RPLP2: variants seen among roughly 807,000 people sequenced by gnomAD.
RPLP2 encodes the protein large ribosomal subunit protein P2.
In RPLP2, 1 loss-of-function variant was observed where a neutral mutation model predicts 11.5. The observed-to-expected ratio is 0.09, with a 90% CI of 0.03 to 0.41. The LOEUF (loss-of-function observed/expected upper bound fraction) is 0.41. Among genes scored for constraint, RPLP2 ranks in the 10% least tolerant of loss-of-function variants. The pLI, the probability that RPLP2 is intolerant of heterozygous loss-of-function variation, is 0.98. For missense variants in RPLP2, 177 were observed against 145.6 expected, an observed-to-expected ratio of 1.22 and a Z score of -1.11; for synonymous variants, 82 against 55.9, an observed-to-expected ratio of 1.47 and a Z score of -2.08.
intron 4 of RPLP2, 29 bp downstream of exon 4, chr11:812,662 G>A: frequency 6.2e-7 from 1 of 1,611,680 alleles, no homozygotes; most frequent in Non-Finnish European, 8.5e-7. Context: ...AGTGGGCAAG[G>A]GGCTGGGGCT....
Position 812,798 on chromosome 11 carries a change from G to A in RPLP2, c.310G>A (p.Glu104Lys). ...AGATGAGAAGAAGGAGGAGTCTGAAGAGTCAGATGATGACATGGGATTTGG... is the reference window on the plus strand; with the variant it reads ...AGATGAGAAGAAGGAGGAGTCTGAAAAGTCAGATGATGACATGGGATTTGG... The part of the protein sequence containing the change: ...KKDEKKEESE[E>K]SDDDMGFGLF... The change falls in exon 5 of 5, where the codon GAG (glutamate) becomes AAG (lysine). Residue 104 changes from glutamate (E) to lysine (K), a missense_variant. Glu to Lys is a moderately conservative substitution (Grantham distance 56). Transcript: ENST00000321153. 6.2e-7 allele frequency: 1 copy of A among 1,613,804 alleles called. No individual in the cohort carries two copies. Among genetic ancestry groups the A allele is most frequent in the Non-Finnish European group, 8.5e-7 (1 of 1,180,006 alleles).
chr11:812,054 T>C (rs1866082837), intron 3 of RPLP2: 1 of 387,096 alleles, frequency 2.6e-6, no homozygotes, highest in Admixed American at 3.8e-5. Flanking sequence ...GTTGGGCAGA[T>C]GGTTTTTTGT....
At chr11:811,865 T>C in intron 3 of RPLP2, 1 of 760,834 alleles carries the variant, frequency 1.3e-6, no homozygotes, top group South Asian at 1.4e-5. Flanking sequence ...GACGTTTAGG[T>C]GGCCCTGCCT....
intron 1 of RPLP2, 50 bp downstream of exon 1, chr11:810,089 TG>T: frequency 2.0e-6 from 2 of 1,003,964 alleles, no homozygotes; most frequent in East Asian, 3.3e-5. Flanking sequence ...GCGGAGTCCG[TG>T]GGGATGCGGG....
chr11:811,851 A>G lies in RPLP2; in HGVS notation c.172+206A>G, dbSNP rs368126140. On this transcript the variant is annotated intron_variant, in intron 3 of 4. Coordinates refer to ENST00000321153, the MANE Select transcript of RPLP2 (RefSeq NM_001004.4). Reference sequence around the variant, plus strand: ...GCAGCAGGGGGCACCCTGTGTTCTCAGCAGACGTTTAGGTGGCCCTGCCTC... The same window carrying G: ...GCAGCAGGGGGCACCCTGTGTTCTCGGCAGACGTTTAGGTGGCCCTGCCTC... 1,201 of 776,648 alleles carry G rather than the reference A, an allele frequency of 1.5e-3. 4 individuals are homozygous for G. Among genetic ancestry groups the G allele is most frequent in the Non-Finnish European group, 2.1e-3 (875 of 422,510 alleles). The allele number at this position is 776,648 out of a possible 1,614,324, so 48.1% of individuals were successfully genotyped here.
At chr11:810,534 C>G in intron 2 of RPLP2, 177 bp downstream of exon 2, 1 of 549,542 alleles carries the variant, frequency 1.8e-6, no homozygotes, top group African/African-American at 2.0e-5. Context: ...TGGCTCACGC[C>G]TGTAGTCCCA....
intron 2 of RPLP2, among the ~76,000 whole-genome samples, chr11:810,667 G>T (rs907585635): frequency 6.6e-6 from 1 of 151,998 alleles, no homozygotes; most frequent in Admixed American, 6.6e-5. Context: ...GGTGGTGGGT[G>T]CCTGTAGTCC....
Position 812,575 on chromosome 11 carries a change from A to G in RPLP2, c.213A>G (p.Val71=). 1 of 1,609,566 alleles carries G rather than the reference A, an allele frequency of 6.2e-7. No individual in the cohort carries two copies. Among genetic ancestry groups the G allele is most frequent in the Non-Finnish European group, 8.5e-7 (1 of 1,179,868 alleles). Residue 71 remains valine, a synonymous_variant, in exon 4 of 5, where the codon GTA becomes GTG. Coordinates refer to ENST00000321153, the MANE Select transcript of RPLP2 (RefSeq NM_001004.4). The part of the protein sequence containing the change: ...KLASVPAGGA[V]AVSAAPGSAA... ...CCAGTGTACCTGCTGGTGGGGCTGT[A>G]GCCGTCTCTGCTGCCCCAGGCTCTG...
chr11:812,687 G>A, intron 4 of RPLP2, 54 bp downstream of exon 4: 1 of 1,612,624 alleles, frequency 6.2e-7, no homozygotes, highest in Non-Finnish European at 8.5e-7. Flanking sequence ...CGGTGTTGCT[G>A]CAGTGGGGTC....
chr11:810,436 C>T, intron 2 of RPLP2, 79 bp downstream of exon 2: 2 of 1,377,820 alleles, frequency 1.5e-6, no homozygotes, highest in Middle Eastern at 1.8e-4. Context: ...GATCCGGCCA[C>T]ATGCTGGAGG....
intron 1 of RPLP2, 64 bp downstream of exon 1, chr11:810,103 G>A (rs1865976388): frequency 8.9e-7 from 1 of 1,124,646 alleles, no homozygotes; most frequent in Non-Finnish European, 1.2e-6. Flanking sequence ...GATGCGGGGT[G>A]GGCGGCGGGG....
At chr11:810,144 C>A (rs1447096049) in intron 1 of RPLP2, 90 bp from the exon 2 acceptor site, 11 of 1,363,168 alleles carry the variant, frequency 8.1e-6, no homozygotes, top group Admixed American at 3.5e-5. Flanking sequence ...ACGGGCCGAG[C>A]CACGCGCGGC....
chr11:811,811 A>T (rs1323895904), intron 3 of RPLP2, 166 bp downstream of exon 3: 1 of 873,024 alleles, frequency 1.1e-6, no homozygotes, highest in Non-Finnish European at 2.0e-6. Flanking sequence ...ACTTCTAGAC[A>T]CTCTCAGGAG....
Position 812,836 on chromosome 11 carries a change from A to G in RPLP2, c.348A>G (p.Ter116=). 1 of 1,612,794 alleles carries G rather than the reference A, an allele frequency of 6.2e-7. No homozygotes were observed. The highest frequency in any genetic ancestry group is 8.5e-7 in the Non-Finnish European group (1 of 1,179,912). The change falls in exon 5 of 5, where the codon TAA becomes TAG. Residue 116 remains the stop codon, a stop_retained_variant. Transcript: ENST00000321153. ...ACATGGGATTTGGCCTTTTTGATTA[A>G]ATTCCTGCTCCCCTGCAAATAAAGC... The part of the protein sequence containing the change: ...DDDMGFGLFD[*]
At chr11:811,244 G>A (rs1866045164) in intron 2 of RPLP2, 2 of 335,088 alleles carry the variant, frequency 6.0e-6, no homozygotes, top group Non-Finnish European at 1.1e-5. Context: ...AGTCACTTGA[G>A]CCCGGGAGGT....
chr11:812,274 G>A (rs1866088129), intron 3 of RPLP2: 1 of 538,308 alleles, frequency 1.9e-6, no homozygotes, highest in Middle Eastern at 4.9e-4. Flanking sequence ...CTCTGAGGGT[G>A]GAGGTGGGGA....
chr11:811,600 A>T lies in RPLP2; in HGVS notation c.127A>T (p.Ile43Phe). 6.2e-7 allele frequency: 1 copy of T among 1,614,212 alleles called. No individual in the cohort carries two copies. The highest frequency in any genetic ancestry group is 8.5e-7 in the Non-Finnish European group (1 of 1,180,026). ...GCCCTGTGATTGTCTGCTTCAGGTT[A>T]TCAGTGAGCTGAATGGAAAAAACAT... is the stretch of plus-strand genomic sequence containing the variant. ...EADDDRLNKV[I>F]SELNGKNIED... The change falls in exon 3 of 5, where the codon ATC (isoleucine) becomes TTC (phenylalanine). Residue 43 changes from isoleucine to phenylalanine, a missense_variant. Ile to Phe is a conservative substitution (Grantham distance 21). Transcript: ENST00000321153.
intron 2 of RPLP2, chr11:810,646 T>G: frequency 4.0e-6 from 1 of 251,026 alleles, no homozygotes; most frequent in Middle Eastern, 1.1e-3. Flanking sequence ...ATACAAAAAT[T>G]AGCCGGGCGT....
intron 3 of RPLP2, 44 bp from the exon 4 acceptor site, chr11:812,491 C>G: frequency 6.2e-7 from 1 of 1,601,768 alleles, no homozygotes; most frequent in Non-Finnish European, 8.5e-7. Flanking sequence ...AACAGCCTCC[C>G]AGGCTGGGCA....
Sources: allele counts gnomAD v4.1 joint callset (sites outside exome capture counted in the v4.1 genomes callset), GRCh38; gene constraint gnomAD v4.1.1; transcripts MANE v1.5; gene names NCBI Gene and HGNC (gene_info 2026-07-23, HGNC 2026-07-21).